The following SLC22A3 variants were observed in gnomAD, a reference collection of about 807,000 sequenced individuals.
SLC22A3 encodes the protein solute carrier family 22 member 3.
SLC22A3 carries 51 observed loss-of-function variants against 59.1 expected under a neutral mutation model. That is an observed-to-expected ratio of 0.86 (90% CI 0.69 to 1.09). The LOEUF (loss-of-function observed/expected upper bound fraction) is 1.09, where lower values mean the gene tolerates loss of function less well. Among genes scored for constraint, SLC22A3 ranks in the 50% least tolerant of loss-of-function variants. SLC22A3 has a pLI of 0.00. For synonymous variants in SLC22A3, 325 were observed against 292.0 expected, an observed-to-expected ratio of 1.11 and a Z score of -1.15; for missense variants, 711 against 726.3, an observed-to-expected ratio of 0.98 and a Z score of 0.24.
chr6:160,354,525 T>A (rs1367601514), intron 1 of SLC22A3, among the ~76,000 whole-genome samples: 1 of 152,206 alleles, frequency 6.6e-6, no homozygotes, highest in South Asian at 2.1e-4. Context: ...AAATCACTGA[T>A]AAATTTGCCT....
chr6:160,390,898 G>C (rs1786228851), intron 1 of SLC22A3, among the ~76,000 whole-genome samples: 2 of 152,112 alleles, frequency 1.3e-5, no homozygotes. Context: ...TGTCTCTTGG[G>C]CTCTAGGAGA....
intron 7 of SLC22A3, among the ~76,000 whole-genome samples, chr6:160,441,656 A>G (rs1386016440): frequency 6.6e-6 from 1 of 150,880 alleles, no homozygotes; most frequent in Non-Finnish European, 1.5e-5. Context: ...AACACACAGA[A>G]GTCTACTGGG....
chr6:160,399,387 G>C (rs1444905064), intron 2 of SLC22A3, among the ~76,000 whole-genome samples: 1 of 151,790 alleles, frequency 6.6e-6, no homozygotes, highest in East Asian at 1.9e-4. Context: ...TTTCTAATTT[G>C]GATATTAGGT....
At chr6:160,361,003 G>A (rs1355425216) in intron 1 of SLC22A3, among the ~76,000 whole-genome samples, 1 of 152,208 alleles carries the variant, frequency 6.6e-6, no homozygotes, top group Non-Finnish European at 1.5e-5. Context: ...AGAAATTAAA[G>A]TGAAATTCCA....
intron 5 of SLC22A3, among the ~76,000 whole-genome samples, chr6:160,429,125 G>A (rs1369635048): frequency 6.6e-6 from 1 of 152,154 alleles, no homozygotes; most frequent in Non-Finnish European, 1.5e-5. Flanking sequence ...AGACCAATGG[G>A]TACTTTAACT....
intron 7 of SLC22A3, among the ~76,000 whole-genome samples, chr6:160,440,306 T>C (rs1788497793): frequency 6.6e-6 from 1 of 152,224 alleles, no homozygotes; most frequent in South Asian, 2.1e-4. Context: ...CTTTTATTTT[T>C]CTTTAATTGA....
chr6:160,399,816 A>C (rs1482393354), intron 2 of SLC22A3, among the ~76,000 whole-genome samples: 6 of 152,196 alleles, frequency 3.9e-5, no homozygotes, highest in African/African-American at 1.4e-4. Context: ...AACAAACTGA[A>C]AAATCAATAA....
intron 5 of SLC22A3, among the ~76,000 whole-genome samples, chr6:160,416,137 A>G (rs901509630): frequency 6.6e-6 from 1 of 152,194 alleles, no homozygotes; most frequent in African/African-American, 2.4e-5. Flanking sequence ...CCATTTGCCA[A>G]GGTTTCTGGC....
chr6:160,363,484 T>C (rs1384907259), intron 1 of SLC22A3, among the ~76,000 whole-genome samples: 1 of 151,994 alleles, frequency 6.6e-6, no homozygotes, highest in Non-Finnish European at 1.5e-5. Context: ...AGGCTCCGGT[T>C]GTCACCCCTG....
chr6:160,388,074 G>A (rs74776859), intron 1 of SLC22A3, among the ~76,000 whole-genome samples: 5,398 of 152,198 alleles, frequency 0.035, 149 homozygotes, highest in Non-Finnish European at 0.05. Context: ...GACACCTTGC[G>A]TGGGAGACAC....
chr6:160,358,334 T>A (rs1408081365), intron 1 of SLC22A3, among the ~76,000 whole-genome samples: 1 of 152,178 alleles, frequency 6.6e-6, no homozygotes, highest in Admixed American at 6.5e-5. Flanking sequence ...GTCTGAGATA[T>A]GTAAGTAGCT....
chr6:160,444,352 CTAAAA>C (rs1208827387), intron 9 of SLC22A3, among the ~76,000 whole-genome samples: 2 of 151,640 alleles, frequency 1.3e-5, no homozygotes, highest in African/African-American at 4.9e-5. Flanking sequence ...GAACCTATCT[CTAAAA>C]TAAATAAATA....
intron 7 of SLC22A3, among the ~76,000 whole-genome samples, chr6:160,440,180 A>G (rs1203092875): frequency 6.6e-6 from 1 of 152,236 alleles, no homozygotes; most frequent in African/African-American, 2.4e-5. Flanking sequence ...TCTGGAAAAT[A>G]AAGACCTTTC....
At chr6:160,350,946 A>G (rs1784638538) in intron 1 of SLC22A3, among the ~76,000 whole-genome samples, 1 of 152,274 alleles carries the variant, frequency 6.6e-6, no homozygotes, top group Middle Eastern at 3.4e-3. Flanking sequence ...CATTGGATTC[A>G]GCCCGTTACA....
intron 1 of SLC22A3, among the ~76,000 whole-genome samples, chr6:160,355,039 C>T (rs953756086): frequency 6.6e-6 from 1 of 152,186 alleles, no homozygotes; most frequent in Non-Finnish European, 1.5e-5. Flanking sequence ...TGGAGGCATG[C>T]GAGGCAGGCA....
chr6:160,373,894 G>C (rs934020990), intron 1 of SLC22A3, among the ~76,000 whole-genome samples: 2 of 152,178 alleles, frequency 1.3e-5, no homozygotes, highest in Admixed American at 1.3e-4. Context: ...ATTTCAGACT[G>C]CTGTGCCGGC....
chr6:160,448,402 CATAG>C (rs1438554471), intron 10 of SLC22A3, among the ~76,000 whole-genome samples: 32 of 151,612 alleles, frequency 2.1e-4, no homozygotes, highest in African/African-American at 4.4e-4. Flanking sequence ...AGATGATAAT[CATAG>C]ATAGATAAGT....
At chr6:160,439,705 G>A (rs909044515) in intron 7 of SLC22A3, among the ~76,000 whole-genome samples, 3 of 152,172 alleles carry the variant, frequency 2.0e-5, no homozygotes, top group African/African-American at 7.2e-5. Flanking sequence ...CAGCAAGACT[G>A]AAAATGAATT....
At chr6:160,434,790 C>G (rs1788276447) in intron 5 of SLC22A3, among the ~76,000 whole-genome samples, 2 of 152,272 alleles carry the variant, frequency 1.3e-5, no homozygotes, top group African/African-American at 4.8e-5. Context: ...CAGGGGTCAT[C>G]TTAATAGACA....
Sources: allele counts gnomAD v4.1 joint callset (sites outside exome capture counted in the v4.1 genomes callset), GRCh38; gene constraint gnomAD v4.1.1; transcripts MANE v1.5; gene names NCBI Gene and HGNC (gene_info 2026-07-23, HGNC 2026-07-21).